Variants in RREB1 observed in about 807,000 individuals in gnomAD.
The protein encoded by RREB1 is ras responsive element binding protein 1.
In RREB1, 27 loss-of-function variants were observed where a neutral mutation model predicts 117.8. The ratio of observed to expected loss-of-function variants is 0.23; its 90% confidence interval spans 0.17 to 0.32. The LOEUF (loss-of-function observed/expected upper bound fraction) is 0.32, where lower values mean the gene tolerates loss of function less well. Among genes scored for constraint, RREB1 ranks in the 10% least tolerant of loss-of-function variants. The pLI is 1.00. For missense variants in RREB1, 2,577 were observed against 2,378.2 expected (o/e 1.08, Z -1.74); for synonymous variants, 1,298 against 1,026.7 (o/e 1.26, Z -5.05).
At chr6:7,193,473 A>G (rs959126107) in intron 6 of RREB1, among the ~76,000 whole-genome samples, 3 of 152,232 alleles carry the variant, frequency 2.0e-5, no homozygotes, top group Admixed American at 2.0e-4. Flanking sequence ...GACTAAAGTA[A>G]TAGACAGTGC....
Position 7,189,149 on chromosome 6 carries a change from C to T in RREB1, c.262-10C>T. On this transcript the variant is annotated splice_polypyrimidine_tract_variant and intron_variant, in intron 5 of 12. Coordinates refer to ENST00000379938, the MANE Select transcript of RREB1 (RefSeq NM_001003699.4). Reference sequence around the variant, plus strand: ...TCTTAAGTGACCGCTGTGACCATTGCTTTCTGCAGCACAACACAGACACTG... The same window carrying T: ...TCTTAAGTGACCGCTGTGACCATTGTTTTCTGCAGCACAACACAGACACTG... The T allele has an allele frequency of 1.2e-6, 2 of 1,610,436 alleles. No individual in the cohort carries two copies. Among genetic ancestry groups the T allele is most frequent in the Non-Finnish European group, 1.7e-6 (2 of 1,178,988 alleles).
chr6:7,230,305 T>G lies in RREB1; in HGVS notation c.2206T>G (p.Tyr736Asp). 6.3e-7 allele frequency: 1 copy of G among 1,592,108 alleles called. No homozygotes were observed. ...CAAGGATATCGAGAAGAACATCGAG[T>G]ATGTGAGTAGCAGCGCGGCCGAGCT... The part of the protein sequence containing the change: ...TRKDIEKNIE[Y>D]VSSSAAELVD... The change falls in exon 10 of 13, where the codon TAT becomes GAT. Residue 736 changes from tyrosine to aspartate, a missense_variant. Transcript: ENST00000379938.
chr6:7,241,955 G>A (rs182422782), intron 11 of RREB1, among the ~76,000 whole-genome samples: 1 of 120,978 alleles, frequency 8.3e-6, no homozygotes, highest in Admixed American at 7.4e-5. Flanking sequence ...CAGCCCACTG[G>A]AAGCGCACAC....
chr6:7,247,248 C>T (rs1430429213), intron 12 of RREB1, 27 bp downstream of exon 12: 3 of 1,592,072 alleles, frequency 1.9e-6, no homozygotes, highest in East Asian at 4.5e-5. Flanking sequence ...AGGTCCCCGG[C>T]CCAACAAGAG....
intron 5 of RREB1, 92 bp downstream of exon 5, chr6:7,187,615 G>A: frequency 3.6e-6 from 2 of 557,200 alleles, no homozygotes; most frequent in Non-Finnish European, 5.2e-6. Flanking sequence ...TGAGAAGAGG[G>A]GGAAGAGTAG....
At chr6:7,141,410 A>G (rs1762582957) in intron 1 of RREB1, among the ~76,000 whole-genome samples, 1 of 152,196 alleles carries the variant, frequency 6.6e-6, no homozygotes, top group African/African-American at 2.4e-5. Flanking sequence ...AGCTCCTTAA[A>G]AATAATAAAT....
intron 1 of RREB1, among the ~76,000 whole-genome samples, chr6:7,148,439 T>A (rs748745184): frequency 9.2e-5 from 14 of 152,028 alleles, no homozygotes; most frequent in Admixed American, 2.0e-4. Flanking sequence ...TCTGTGTTAT[T>A]TCTTAAAACT....
chr6:7,133,649 T>C (rs955744792), intron 1 of RREB1, among the ~76,000 whole-genome samples: 6 of 152,160 alleles, frequency 3.9e-5, no homozygotes, highest in Admixed American at 1.3e-4. Flanking sequence ...TAAATTAAGA[T>C]TATAAATAGT....
At position 7,246,941 on chromosome 6, in the gene RREB1, G is replaced by A. The variant is rs1336247973; in HGVS notation, c.4491G>A (p.Glu1497=). The part of the protein sequence containing the change: ...EEGPQPAPEQ[E]EKPPETPAEV... ...GGCCCCAGCCCGCCCCTGAACAGGA[G>A]GAGAAGCCCCCCGAGACCCCGGCAG... The change falls in exon 12 of 13, where the codon GAG becomes GAA. Residue 1497 remains glutamate (E), a synonymous_variant. Coordinates refer to ENST00000379938, the MANE Select transcript of RREB1 (RefSeq NM_001003699.4). 3 of 1,558,718 alleles carry A rather than the reference G, an allele frequency of 1.9e-6. No homozygotes were observed. The highest frequency in any genetic ancestry group is 1.2e-5 in the South Asian group (1 of 85,054).
intron 8 of RREB1, 74 bp downstream of exon 8, chr6:7,211,783 TACTCCACACCGG>T (rs1766623635): frequency 6.7e-7 from 1 of 1,487,026 alleles, no homozygotes; most frequent in Admixed American, 1.8e-5. Context: ...TAAGTCCCGT[TACTCCACACCGG>T]GCTCCAGTGA....
At chr6:7,141,881 A>C (rs999979839) in intron 1 of RREB1, among the ~76,000 whole-genome samples, 1 of 152,176 alleles carries the variant, frequency 6.6e-6, no homozygotes, top group African/African-American at 2.4e-5. Flanking sequence ...AGGGCTGGAT[A>C]ATTGCCTCTC....
intron 2 of RREB1, among the ~76,000 whole-genome samples, chr6:7,177,188 C>T (rs1458096308): frequency 8.4e-6 from 1 of 119,216 alleles, no homozygotes; most frequent in African/African-American, 3.4e-5. Context: ...CACTGCACTA[C>T]AGTGTGGGCA....
At position 7,181,931 on chromosome 6, in the gene RREB1, C is replaced by T. The variant is rs2113530785; in HGVS notation, c.20C>T (p.Ala7Val). The change falls in exon 4 of 13, where the codon GCT becomes GTT. Residue 7 changes from alanine (A) to valine (V), a missense_variant. Transcript: ENST00000379938. ...GTCCCAATGACGTCAAGTTCGCCCG[C>T]TGGCTTGGAAGGTTCAGACCTATCT... The part of the protein sequence containing the change: MTSSSP[A>V]GLEGSDLSSI... The T allele has an allele frequency of 6.2e-7, 1 of 1,614,248 alleles. No individual in the cohort carries two copies. The highest frequency in any genetic ancestry group is 8.5e-7 in the Non-Finnish European group (1 of 1,180,026).
intron 6 of RREB1, among the ~76,000 whole-genome samples, chr6:7,201,456 T>C (rs886731123): frequency 6.6e-6 from 1 of 152,130 alleles, no homozygotes; most frequent in African/African-American, 2.4e-5. Context: ...GTCAACCTTT[T>C]TCTGATGTGT....
chr6:7,168,830 A>G (rs369997094), intron 1 of RREB1, among the ~76,000 whole-genome samples: 12 of 152,242 alleles, frequency 7.9e-5, no homozygotes, highest in Admixed American at 6.5e-5. Context: ...TGGAAAGTAC[A>G]AGATTTTTGG....
intron 6 of RREB1, among the ~76,000 whole-genome samples, chr6:7,190,027 A>G (rs948440803): frequency 6.6e-6 from 1 of 152,328 alleles, no homozygotes; most frequent in Non-Finnish European, 1.5e-5. Context: ...CATTTGTTAC[A>G]TGTTTATTTC....
intron 1 of RREB1, among the ~76,000 whole-genome samples, chr6:7,151,487 G>T (rs751496467): frequency 9.9e-5 from 15 of 152,194 alleles, no homozygotes; most frequent in Non-Finnish European, 1.6e-4. Flanking sequence ...GCAGAACAGG[G>T]ACTTCAAAGT....
rs1026360865 is a variant in RREB1, at chr6:7,251,239, A to T, written c.*2271A>T. On this transcript the variant is annotated 3_prime_UTR_variant, in exon 13 of 13. Coordinates refer to ENST00000379938, the MANE Select transcript of RREB1 (RefSeq NM_001003699.4). ...CCCTCGTAGTCAATAAGGTCTTGCC[A>T]CATTTTATTAGTGAGGTGGAGAAAC... 3 of 152,192 alleles carry T rather than the reference A, an allele frequency of 2.0e-5. No homozygotes were observed. Among genetic ancestry groups the T allele is most frequent in the African/African-American group, 7.2e-5 (3 of 41,438 alleles). The allele number at this position is 152,192 out of a possible 1,614,324, so 9.4% of individuals were successfully genotyped here. A position where few individuals can be genotyped will look rare whatever the true frequency, so the allele number is the denominator to read the frequency against.
At chr6:7,235,256 G>A (rs1768246821) in intron 10 of RREB1, among the ~76,000 whole-genome samples, 1 of 152,140 alleles carries the variant, frequency 6.6e-6, no homozygotes, top group South Asian at 2.1e-4. Flanking sequence ...GCTGGAAGGA[G>A]CCTGGGAAGT....
Sources: allele counts gnomAD v4.1 joint callset (sites outside exome capture counted in the v4.1 genomes callset), GRCh38; gene constraint gnomAD v4.1.1; transcripts MANE v1.5; gene names NCBI Gene and HGNC (gene_info 2026-07-23, HGNC 2026-07-21).